DERL1: variants seen among roughly 807,000 people sequenced by gnomAD.
DERL1 encodes the protein derlin 1, also known as derlin-1.
In DERL1, 24 loss-of-function variants were observed where a neutral mutation model predicts 41.6. That is an observed-to-expected ratio of 0.58 (90% CI 0.42 to 0.81). The LOEUF is 0.81. Ranked by LOEUF, DERL1 falls within the 30% of genes least tolerant of loss-of-function variation. DERL1 has a pLI of 0.00. For missense variants in DERL1, 260 were observed against 314.3 expected (o/e 0.83, Z 1.31); for synonymous variants, 124 against 112.5 (o/e 1.10, Z -0.65).
rs1216293245 is a variant in DERL1, at chr8:123,033,064, T to C, written c.154-2348A>G. ...TGTTTTTTGAGACGGGCTCTTCCTA[T>C]GTTGTCCAGACTGCTCTCAAACTAC... On this transcript the variant is annotated intron_variant, in intron 1 of 7. Transcript: ENST00000259512. Among the ~76,000 whole-genome samples the C allele has an allele frequency of 3.3e-5, 5 of 152,130 alleles. 1 individual carries two copies. In the East Asian group the frequency reaches 5.8e-4, roughly 18 times the overall value.
At chr8:123,040,828 A>G (rs772230355) in intron 1 of DERL1, among the ~76,000 whole-genome samples, 1 of 152,174 alleles carries the variant, frequency 6.6e-6, no homozygotes, top group Non-Finnish European at 1.5e-5. Flanking sequence ...CTAATAACGG[A>G]GTTGCTATTC....
intron 2 of DERL1, among the ~76,000 whole-genome samples, chr8:123,026,836 C>T (rs754936042): frequency 2.0e-5 from 3 of 151,334 alleles, no homozygotes; most frequent in South Asian, 4.2e-4. Flanking sequence ...TATATCCATA[C>T]GATGGAATCT....
At chr8:123,038,215 T>C (rs1812968930) in intron 1 of DERL1, among the ~76,000 whole-genome samples, 1 of 152,198 alleles carries the variant, frequency 6.6e-6, no homozygotes, top group Non-Finnish European at 1.5e-5. Flanking sequence ...CCCATTTTTG[T>C]AAGTTGTGAA....
chr8:123,018,899 G>A (rs573416369), intron 7 of DERL1: 71 of 380,126 alleles, frequency 1.9e-4, no homozygotes, highest in African/African-American at 8.0e-4. Flanking sequence ...CTACTGTTTC[G>A]CACTCTGGAG....
chr8:123,020,796 CAAAAAAA>C (rs59816749), intron 6 of DERL1, among the ~76,000 whole-genome samples: 3 of 112,396 alleles, frequency 2.7e-5, no homozygotes, highest in African/African-American at 7.5e-5. Context: ...CTAAAAATCC[CAAAAAAA>C]AAAAAAAAAA....
chr8:123,023,592 A>G, intron 4 of DERL1, 121 bp downstream of exon 4: 1 of 877,258 alleles, frequency 1.1e-6, no homozygotes, highest in South Asian at 2.1e-5. Flanking sequence ...GTAATTCCAT[A>G]ATTTCAAAAT....
chr8:123,024,924 T>C, intron 3 of DERL1, 62 bp downstream of exon 3: 2 of 1,561,008 alleles, frequency 1.3e-6, no homozygotes, highest in Non-Finnish European at 8.7e-7. Flanking sequence ...ATATGGTCTA[T>C]TTCCCCAAAC....
chr8:123,016,290 T>C (rs1459230130), intron 7 of DERL1: 2 of 152,252 alleles, frequency 1.3e-5, no homozygotes, highest in Admixed American at 6.5e-5. Context: ...TTTCCAACTA[T>C]TTCCCATCTT....
At chr8:123,018,528 A>C (rs1461165469) in intron 7 of DERL1, 1 of 152,290 alleles carries the variant, frequency 6.6e-6, no homozygotes. Context: ...TGCAAACTGA[A>C]GCTTGGAGGT....
Position 123,014,455 on chromosome 8 carries a change from G to A in DERL1, c.*992C>T, listed in dbSNP as rs1814500417. ...TAGGCAAAAAAGTGACATTTAAATA[G>A]CGTATGAGGGTCTCTCCTCCTTTAC... On this transcript the variant is annotated 3_prime_UTR_variant, in exon 8 of 8. Coordinates refer to ENST00000259512, the MANE Select transcript of DERL1 (RefSeq NM_024295.6). 1 of 152,734 alleles carries A rather than the reference G, an allele frequency of 6.5e-6. No individual in the cohort carries two copies. The highest frequency in any genetic ancestry group is 2.4e-5 in the African/African-American group (1 of 41,442). The allele number at this position is 152,734 out of a possible 1,614,324, so 9.5% of individuals were successfully genotyped here. A position where few individuals can be genotyped will look rare whatever the true frequency, so the allele number is the denominator to read the frequency against.
At chr8:123,037,583 T>A (rs746474424) in intron 1 of DERL1, among the ~76,000 whole-genome samples, 14 of 152,144 alleles carry the variant, frequency 9.2e-5, no homozygotes, top group Non-Finnish European at 2.1e-4. Context: ...GCCTTTCTAC[T>A]CGAATAGAAA....
intron 1 of DERL1, among the ~76,000 whole-genome samples, chr8:123,036,808 A>G (rs1224380532): frequency 6.6e-6 from 1 of 152,178 alleles, no homozygotes; most frequent in African/African-American, 2.4e-5. Flanking sequence ...CCTCCCTGCT[A>G]TGTTGAAACG....
Position 123,032,084 on chromosome 8 carries a change from C to T in DERL1, c.154-1368G>A, listed in dbSNP as rs181978695. Among the ~76,000 whole-genome samples, 516 of 152,212 alleles carry T rather than the reference C, an allele frequency of 3.4e-3. 1 individual carries two copies. The highest frequency in any genetic ancestry group is 4.5e-3 in the Non-Finnish European group (308 of 68,008). ...TTATGAGAAGTCAAGCACCTTTTCA[C>T]GTTTTAAAAACCTGAGCATTTCCTT... is the stretch of plus-strand genomic sequence containing the variant. On this transcript the variant is annotated intron_variant, in intron 1 of 7. Coordinates refer to ENST00000259512, the MANE Select transcript of DERL1 (RefSeq NM_024295.6).
intron 1 of DERL1, 98 bp from the exon 2 acceptor site, chr8:123,030,814 GAGAGGT>G (rs1812804829): frequency 2.5e-6 from 2 of 815,878 alleles, no homozygotes; most frequent in African/African-American, 3.5e-5. Flanking sequence ...CCTCCTCAAT[GAGAGGT>G]GTGAAAGTGA....
chr8:123,020,998 A>C (rs552131799), intron 6 of DERL1, among the ~76,000 whole-genome samples: 1 of 151,962 alleles, frequency 6.6e-6, no homozygotes, highest in Non-Finnish European at 1.5e-5. Context: ...CTGTATCATC[A>C]AACCACTTGC....
At chr8:123,027,799 C>T (rs764796145) in intron 2 of DERL1, among the ~76,000 whole-genome samples, 5 of 152,130 alleles carry the variant, frequency 3.3e-5, no homozygotes, top group African/African-American at 9.7e-5. Flanking sequence ...CAGTGGCTCA[C>T]GCCTGTAATC....
At chr8:123,015,664 A>C in intron 7 of DERL1, 79 bp from the exon 8 acceptor site, 1 of 1,482,856 alleles carries the variant, frequency 6.7e-7, no homozygotes, top group African/African-American at 1.4e-5. Flanking sequence ...CTCCGAGAAC[A>C]CCTCCCTCTC....
intron 7 of DERL1, chr8:123,017,519 T>A (rs1003892502): frequency 6.6e-6 from 1 of 152,202 alleles, no homozygotes; most frequent in African/African-American, 2.4e-5. Flanking sequence ...GATACCCAAT[T>A]ATACATAATC....
At chr8:123,023,472 T>C (rs1812612154) in intron 4 of DERL1, among the ~76,000 whole-genome samples, 1 of 152,076 alleles carries the variant, frequency 6.6e-6, no homozygotes, top group Non-Finnish European at 1.5e-5. Context: ...GGAAAATCAC[T>C]TGAACCCGGG....
Sources: gnomAD v4.1 joint callset for allele counts (sites outside exome capture counted in the v4.1 genomes callset) on GRCh38, gnomAD v4.1.1 for gene constraint, MANE v1.5 for transcripts, NCBI Gene and HGNC (gene_info 2026-07-23, HGNC 2026-07-21) for gene names.